ITGA1: variants seen among roughly 807,000 people sequenced by gnomAD.
ITGA1 encodes integrin subunit alpha 1.
ITGA1 carries 85 observed loss-of-function variants against 145.9 expected under a neutral mutation model. That is an observed-to-expected ratio of 0.58 (90% CI 0.49 to 0.70). The LOEUF (loss-of-function observed/expected upper bound fraction) is 0.70. ITGA1 is among the 30% of genes least tolerant of loss of function. The probability of loss-of-function intolerance (pLI) is 0.00; values close to 1 mark genes in which losing one functional copy is unlikely to be tolerated. For missense variants in ITGA1, 1,351 were observed against 1,418.7 expected (o/e 0.95, Z 0.77); for synonymous variants, 520 against 495.3 (o/e 1.05, Z -0.66).
At chr5:52,947,866 G>T (rs1187835342) in intron 28 of ITGA1, among the ~76,000 whole-genome samples, 3 of 152,098 alleles carry the variant, frequency 2.0e-5, no homozygotes, top group Non-Finnish European at 4.4e-5. Context: ...TATATAAGCA[G>T]TAGATTCAAG....
chr5:52,893,059 T>G (rs188454968), intron 8 of ITGA1, among the ~76,000 whole-genome samples: 1 of 152,118 alleles, frequency 6.6e-6, no homozygotes, highest in East Asian at 1.9e-4. Flanking sequence ...TAAATAATTA[T>G]AGTTAACAAT....
At position 52,905,883 on chromosome 5, in the gene ITGA1, T is replaced by C; in HGVS notation, c.1430T>C (p.Ile477Thr). Residue 477 changes from isoleucine to threonine, a missense_variant, in exon 12 of 29, where the codon ATT (isoleucine) becomes ACT (threonine). Ile to Thr is a moderately conservative substitution (Grantham distance 89). Coordinates refer to ENST00000282588, the MANE Select transcript of ITGA1 (RefSeq NM_181501.2). Reference sequence around the variant, plus strand: ...AGGATGGAAGATGGAAACATCAAAATTCTCCAGACGCTCAGTGGAGAACAG... The same window carrying C: ...AGGATGGAAGATGGAAACATCAAAACTCTCCAGACGCTCAGTGGAGAACAG... ...IYRMEDGNIK[I>T]LQTLSGEQIG... 3 of 1,613,328 alleles carry C rather than the reference T, an allele frequency of 1.9e-6. No homozygotes were observed. Among genetic ancestry groups the C allele is most frequent in the Non-Finnish European group, 2.5e-6 (3 of 1,179,506 alleles).
intron 2 of ITGA1, among the ~76,000 whole-genome samples, chr5:52,860,822 C>G (rs527892742): frequency 6.6e-6 from 1 of 152,286 alleles, no homozygotes; most frequent in Non-Finnish European, 1.5e-5. Flanking sequence ...CCATTAATTA[C>G]TGTTAGAATG....
chr5:52,908,096 C>T (rs2111845615), intron 12 of ITGA1, among the ~76,000 whole-genome samples: 1 of 151,778 alleles, frequency 6.6e-6, no homozygotes, highest in South Asian at 2.1e-4. Context: ...TAGAAGAGGC[C>T]AAAATTCAGA....
chr5:52,945,894 C>T lies in ITGA1; in HGVS notation c.3378+859C>T, dbSNP rs561577757. Among the ~76,000 whole-genome samples, 25 of 152,250 alleles carry T rather than the reference C, an allele frequency of 1.6e-4. No individual in the cohort carries two copies. The South Asian group carries it at 3.9e-3, about 24-fold the overall frequency. On this transcript the variant is annotated intron_variant, in intron 27 of 28. Coordinates refer to ENST00000282588, the MANE Select transcript of ITGA1 (RefSeq NM_181501.2). ...TAATGTTTACTTATGTCATAAAGAG[C>T]GCTTAGCATAAGCAATGCAAAATGC...
chr5:52,788,150 G>A lies in ITGA1; in HGVS notation c.-204G>A. On this transcript the variant is annotated 5_prime_UTR_variant, in exon 1 of 29. It adds an upstream start codon to the 5' untranslated region. Transcript: ENST00000282588. ...GGCGATGTGGCAATCCGTCTGGGATGTGAAAAGCGTGGAGCGCATTTAGAG... is the reference window on the plus strand; with the variant it reads ...GGCGATGTGGCAATCCGTCTGGGATATGAAAAGCGTGGAGCGCATTTAGAG... 2.2e-6 allele frequency: 1 copy of A among 452,122 alleles called. No homozygotes were observed. Among genetic ancestry groups the A allele is most frequent in the Non-Finnish European group, 3.9e-6 (1 of 254,184 alleles). 28.0% of individuals were successfully genotyped at this position (452,122 alleles called of 1,614,324 possible).
chr5:52,869,082 C>T (rs1356606972), intron 6 of ITGA1, among the ~76,000 whole-genome samples: 1 of 152,132 alleles, frequency 6.6e-6, no homozygotes, highest in Non-Finnish European at 1.5e-5. Flanking sequence ...GAACTATACC[C>T]CAGATTTTCA....
chr5:52,937,917 G>GCCTTCTCTGTGTTTCTATGTGTTCT (rs1400526511), intron 24 of ITGA1, among the ~76,000 whole-genome samples: 140 of 152,008 alleles, frequency 9.2e-4, no homozygotes, highest in African/African-American at 3.0e-3. Context: ...TCTTCACCTG[G>GCCTTCTCTGTGTTTCTATGTGTTCT]CCTTCTCTGT....
At chr5:52,792,420 TG>T (rs1469468735) in intron 1 of ITGA1, among the ~76,000 whole-genome samples, 2 of 152,210 alleles carry the variant, frequency 1.3e-5, no homozygotes, top group African/African-American at 4.8e-5. Context: ...ACGGGATTTT[TG>T]TTTGTTTAGT....
At chr5:52,805,948 T>A (rs544157373) in intron 1 of ITGA1, among the ~76,000 whole-genome samples, 159 of 152,284 alleles carry the variant, frequency 1.0e-3, no homozygotes, top group Non-Finnish European at 2.0e-3. Flanking sequence ...TGGTATATCA[T>A]GTTTAAGTAA....
chr5:52,918,940 A>C, intron 16 of ITGA1, 42 bp downstream of exon 16: 1 of 1,496,594 alleles, frequency 6.7e-7, no homozygotes, highest in African/African-American at 1.4e-5. Flanking sequence ...GGTAGAGGAC[A>C]ATATATTTGC....
rs1167480189 is a variant in ITGA1, at chr5:52,812,363, TC to T, written c.61+23950del. ...GTAGAGAACCCAGATCCCACCCACT[TC>T]TTGAAGCTTATAATCATTTTGGGGT... On this transcript the variant is annotated intron_variant, in intron 1 of 28. Coordinates refer to ENST00000282588, the MANE Select transcript of ITGA1 (RefSeq NM_181501.2). 2.0e-5 allele frequency among the ~76,000 whole-genome samples: 3 copies of T among 152,334 alleles called. No homozygotes were observed. In the East Asian group the frequency reaches 5.8e-4, roughly 29 times the overall value.
intron 1 of ITGA1, among the ~76,000 whole-genome samples, chr5:52,833,526 C>A (rs35392766): frequency 6.6e-6 from 1 of 152,030 alleles, no homozygotes; most frequent in Non-Finnish European, 1.5e-5. Context: ...GACATTTTAC[C>A]TTTCTCTTAA....
In ITGA1 at chr5:52,929,755, T is replaced by G. The variant is rs1750868408; in HGVS notation, c.2771+54T>G. Reference sequence around the variant, plus strand: ...ATATGAATGTATATTGCTTCTTCTGTGTATGTCGAATATTTTGCTCTATAA... The same window carrying G: ...ATATGAATGTATATTGCTTCTTCTGGGTATGTCGAATATTTTGCTCTATAA... On this transcript the variant is annotated intron_variant, in intron 21 of 28. Coordinates refer to ENST00000282588, the MANE Select transcript of ITGA1 (RefSeq NM_181501.2). 4.2e-6 allele frequency: 4 copies of G among 947,586 alleles called. No homozygotes were observed. The African/African-American group carries it at 5.0e-5, about 12-fold the overall frequency. The allele number at this position is 947,586 out of a possible 1,614,324, so 58.7% of individuals were successfully genotyped here. A position where few individuals can be genotyped will look rare whatever the true frequency, so the allele number is the denominator to read the frequency against.
intron 12 of ITGA1, among the ~76,000 whole-genome samples, chr5:52,908,368 C>G (rs1361688308): frequency 6.6e-6 from 1 of 152,118 alleles, no homozygotes; most frequent in Admixed American, 6.5e-5. Flanking sequence ...AGGGATGATA[C>G]CCCTGCAATC....
At chr5:52,929,868 A>G (rs565787324) in intron 21 of ITGA1, among the ~76,000 whole-genome samples, 167 bp downstream of exon 21, 1 of 150,578 alleles carries the variant, frequency 6.6e-6, no homozygotes, top group East Asian at 1.9e-4. Flanking sequence ...ACCCTTAAGA[A>G]TAATTAGCAA....
chr5:52,924,651 G>A (rs1438748929), intron 18 of ITGA1, among the ~76,000 whole-genome samples: 1 of 152,208 alleles, frequency 6.6e-6, no homozygotes, highest in Non-Finnish European at 1.5e-5. Flanking sequence ...GAGGGAAACA[G>A]GTGGATGTGG....
intron 7 of ITGA1, 62 bp downstream of exon 7, chr5:52,882,083 C>A (rs1203909761): frequency 1.5e-6 from 2 of 1,368,810 alleles, no homozygotes; most frequent in Non-Finnish European, 9.7e-7. Context: ...CATGATTTAG[C>A]CTTTTGGCAT....
chr5:52,925,424 C>T lies in ITGA1; in HGVS notation c.2550C>T (p.Asp850=). The change falls in exon 19 of 29, where the codon GAC becomes GAT. Residue 850 remains aspartate (D), a synonymous_variant. Coordinates refer to ENST00000282588, the MANE Select transcript of ITGA1 (RefSeq NM_181501.2). ...NVSLTVKNTK[D]SAYNTRTIVH... The stretch of plus-strand genomic sequence containing the variant: ...GCCTCACAGTCAAAAATACAAAGGA[C>T]AGTGCCTATAACACCAGGACAATAG... 2 of 1,614,024 alleles carry T rather than the reference C, an allele frequency of 1.2e-6. No individual in the cohort carries two copies. The highest frequency in any genetic ancestry group is 2.2e-5 in the South Asian group (2 of 91,080).
Sources: gnomAD v4.1 joint callset for allele counts (sites outside exome capture counted in the v4.1 genomes callset) on GRCh38, gnomAD v4.1.1 for gene constraint, MANE v1.5 for transcripts, NCBI Gene and HGNC (gene_info 2026-07-23, HGNC 2026-07-21) for gene names.